The following CCDC33 variants were observed in gnomAD, a reference collection of about 807,000 sequenced individuals.
The protein encoded by CCDC33 is coiled-coil domain-containing protein 33.
A neutral mutation model predicts 91.9 loss-of-function variants in CCDC33; 94 were observed. That is an observed-to-expected ratio of 1.02 (90% CI 0.87 to 1.21). The LOEUF is 1.21. Among genes scored for constraint, CCDC33 ranks in the 50% most tolerant of loss-of-function variants. The pLI, the probability that CCDC33 is intolerant of heterozygous loss-of-function variation, is 0.00. For missense variants in CCDC33, 940 were observed against 935.5 expected (o/e 1.00, Z -0.06); for synonymous variants, 396 against 374.5 (o/e 1.06, Z -0.66).
intron 10 of CCDC33, among the ~76,000 whole-genome samples, chr15:74,283,816 ACACC>A (rs1366967428): frequency 5.3e-5 from 8 of 151,900 alleles, no homozygotes; most frequent in Non-Finnish European, 8.8e-5. Context: ...ACACACACAC[ACACC>A]CCCTCTACAT....
At chr15:74,257,005 T>C (rs2075886420) in intron 2 of CCDC33, among the ~76,000 whole-genome samples, 1 of 152,208 alleles carries the variant, frequency 6.6e-6, no homozygotes, top group South Asian at 2.1e-4. Flanking sequence ...CCTTTCTTTT[T>C]CCCAGAGCAG....
At chr15:74,229,290 C>T (rs1286688610) in intron 2 of CCDC33, among the ~76,000 whole-genome samples, 3 of 152,102 alleles carry the variant, frequency 2.0e-5, no homozygotes, top group Non-Finnish European at 2.9e-5. Flanking sequence ...GTCAGGAGTT[C>T]GAGACCAGCC....
intron 1 of CCDC33, among the ~76,000 whole-genome samples, chr15:74,238,145 G>A (rs1056508842): frequency 1.3e-4 from 19 of 151,186 alleles, no homozygotes; most frequent in African/African-American, 4.6e-4. Flanking sequence ...AAAGGACGTT[G>A]GCCAGGCCTG....
At chr15:74,259,908 T>A (rs1419159075) in intron 2 of CCDC33, among the ~76,000 whole-genome samples, 2 of 152,248 alleles carry the variant, frequency 1.3e-5, no homozygotes, top group Admixed American at 6.5e-5. Context: ...GGTGCAGTTT[T>A]GTGTCCAGCT....
chr15:74,241,889 G>A (rs2075360055), intron 1 of CCDC33, among the ~76,000 whole-genome samples: 1 of 152,204 alleles, frequency 6.6e-6, no homozygotes, highest in Non-Finnish European at 1.5e-5. Context: ...TGAACAACTA[G>A]AACAATGGCA....
chr15:74,330,188 G>A lies in CCDC33; in HGVS notation c.1291-1G>A. The A allele has an allele frequency of 6.2e-7, 1 of 1,602,522 alleles. No individual in the cohort carries two copies. Among genetic ancestry groups the A allele is most frequent in the Non-Finnish European group, 8.5e-7 (1 of 1,173,016 alleles). On this transcript the variant is annotated splice_acceptor_variant, in intron 11 of 18. Transcript: ENST00000398814. LOFTEE classifies it high-confidence loss of function. ...TCAGCTCTGGGCTCTGGGATCCACA[G>A]GAGATGAACAACTACCGGCGGGCCA... is the stretch of plus-strand genomic sequence containing the variant.
At chr15:74,283,595 G>A (rs763561971) in intron 10 of CCDC33, among the ~76,000 whole-genome samples, 4 of 152,158 alleles carry the variant, frequency 2.6e-5, no homozygotes, top group South Asian at 2.1e-4. Flanking sequence ...AAATGCTGCC[G>A]AATTCATTTA....
intron 11 of CCDC33, among the ~76,000 whole-genome samples, chr15:74,323,430 C>T (rs2060244962): frequency 6.6e-6 from 1 of 152,068 alleles, no homozygotes; most frequent in Admixed American, 6.5e-5. Context: ...CATCCTCACG[C>T]CCCTCATGCC....
chr15:74,228,875 G>C (rs995008850), intron 2 of CCDC33, among the ~76,000 whole-genome samples: 1 of 152,202 alleles, frequency 6.6e-6, no homozygotes. Flanking sequence ...TAGGGCCAGA[G>C]GCTCTGCTCT....
intron 2 of CCDC33, among the ~76,000 whole-genome samples, chr15:74,249,674 A>C (rs1425673737): frequency 6.6e-6 from 1 of 152,154 alleles, no homozygotes; most frequent in Non-Finnish European, 1.5e-5. Context: ...CCTATGAGGA[A>C]CCGGGGGAGA....
At chr15:74,209,755 G>T in intron 2 of CCDC33, 1 of 336,876 alleles carries the variant, frequency 3.0e-6, no homozygotes, top group Non-Finnish European at 5.4e-6. Flanking sequence ...ATCCTGCAGG[G>T]ATGCAGACAA....
At chr15:74,217,229 A>T (rs1293976370) in exon 1 of CCDC33, 1 of 1,214,314 alleles carries the variant, frequency 8.2e-7, no homozygotes, top group Admixed American at 2.8e-5. Context: ...GCTGTGGGTG[A>T]GAGGGTGCAG....
chr15:74,294,171 C>T (rs1218760699), intron 10 of CCDC33, among the ~76,000 whole-genome samples: 1 of 152,178 alleles, frequency 6.6e-6, no homozygotes, highest in Non-Finnish European at 1.5e-5. Flanking sequence ...TACTGGTTGG[C>T]AGTGTGCCCA....
intron 2 of CCDC33, among the ~76,000 whole-genome samples, chr15:74,245,335 A>G (rs1474024037): frequency 6.6e-6 from 1 of 152,178 alleles, no homozygotes; most frequent in East Asian, 1.9e-4. Flanking sequence ...GCCGAGAGCA[A>G]CAGGTGAAAC....
chr15:74,304,903 C>G (rs530304736), intron 11 of CCDC33, among the ~76,000 whole-genome samples: 7 of 152,120 alleles, frequency 4.6e-5, no homozygotes, highest in Non-Finnish European at 1.0e-4. Context: ...CTGTCGGTAC[C>G]CAAGACCCCC....
upstream of CCDC33, among the ~76,000 whole-genome samples, chr15:74,232,994 T>TC (rs1179751336): frequency 1.3e-5 from 2 of 152,184 alleles, no homozygotes; most frequent in Non-Finnish European, 2.9e-5. Context: ...GTTCCCGGCT[T>TC]CCAGGCCCAC....
intron 10 of CCDC33, among the ~76,000 whole-genome samples, chr15:74,282,093 C>T (rs550044910): frequency 6.6e-6 from 1 of 152,314 alleles, no homozygotes; most frequent in South Asian, 2.1e-4. Flanking sequence ...AAGCCCAAGC[C>T]AAGTCTGGCT....
At chr15:74,301,258 G>C (rs921561955) in intron 11 of CCDC33, 3 of 152,240 alleles carry the variant, frequency 2.0e-5, no homozygotes, top group African/African-American at 7.2e-5. Context: ...GTAAGGCGAG[G>C]GGGCTCTATG....
At chr15:74,226,190 G>A (rs2074790523) in intron 2 of CCDC33, among the ~76,000 whole-genome samples, 2 of 152,196 alleles carry the variant, frequency 1.3e-5, no homozygotes, top group African/African-American at 4.8e-5. Flanking sequence ...TTTCCAAGCC[G>A]ATTGTGGAGG....
Sources: gnomAD v4.1 joint callset for allele counts (sites outside exome capture counted in the v4.1 genomes callset) on GRCh38, gnomAD v4.1.1 for gene constraint, MANE v1.5 for transcripts, NCBI Gene and HGNC (gene_info 2026-07-23, HGNC 2026-07-21) for gene names.